Variants in ZC3H11A observed in about 807,000 individuals in gnomAD.
The protein encoded by ZC3H11A is zinc finger CCCH domain-containing protein 11A.
In ZC3H11A, 22 loss-of-function variants were observed where a neutral mutation model predicts 90.8. The observed-to-expected ratio is 0.24, with a 90% CI of 0.17 to 0.35. ZC3H11A has a LOEUF of 0.35. Ranked by LOEUF, ZC3H11A falls within the 10% of genes least tolerant of loss-of-function variation. The pLI, the probability that ZC3H11A is intolerant of heterozygous loss-of-function variation, is 1.00. For synonymous variants in ZC3H11A, 294 were observed against 339.8 expected, an observed-to-expected ratio of 0.87 and a Z score of 1.48; for missense variants, 701 against 964.9, an observed-to-expected ratio of 0.73 and a Z score of 3.62.
rs184860275 is a variant in ZC3H11A, at chr1:203,845,835, C to T, written c.1043-1349C>T. ...GTCAAGATGACACCACTGCACACTC[C>T]AGCCTGGGCAACAGAGCAAAACTCT... is the stretch of plus-strand genomic sequence containing the variant. On this transcript the variant is annotated intron_variant, in intron 12 of 17. Coordinates refer to ENST00000367210, the MANE Select transcript of ZC3H11A (RefSeq NM_001376342.1). Among the ~76,000 whole-genome samples, 275 of 152,224 alleles carry T rather than the reference C, an allele frequency of 1.8e-3. 2 individuals carry two copies. Among genetic ancestry groups the T allele is most frequent in the African/African-American group, 6.2e-3 (258 of 41,534 alleles).
At chr1:203,797,544 G>T (rs1668961312) in intron 1 of ZC3H11A, 1 of 1,524,790 alleles carries the variant, frequency 6.6e-7, no homozygotes. Context: ...TACTCTAAGT[G>T]TACCAGTTTC....
In ZC3H11A at chr1:203,818,627, A is replaced by G; in HGVS notation, c.112A>G (p.Thr38Ala). The change falls in exon 4 of 18, where the codon ACA becomes GCA. Residue 38 changes from threonine to alanine, a missense_variant. This residue lies in a region of ZC3H11A where 59 missense variants were observed against 132.8 expected (regional missense o/e 0.44). Transcript: ENST00000367210. ...TGCAATAGGAAATGAAACTGTTTGC[A>G]CATTATGGCAAGAAGGGCGCTGTTT... is the stretch of plus-strand genomic sequence containing the variant. ...EAAIGNETVC[T>A]LWQEGRCFRQ... 1.2e-6 allele frequency: 2 copies of G among 1,614,184 alleles called. No homozygotes were observed. Among genetic ancestry groups the G allele is most frequent in the Non-Finnish European group, 1.7e-6 (2 of 1,180,042 alleles).
At chr1:203,814,026 G>A (rs1223203093) in intron 2 of ZC3H11A, among the ~76,000 whole-genome samples, 1 of 151,364 alleles carries the variant, frequency 6.6e-6, no homozygotes, top group Non-Finnish European at 1.5e-5. Context: ...TTCAAGTTCA[G>A]ATTCTTTATT....
chr1:203,829,500 C>T lies in ZC3H11A; in HGVS notation c.348C>T (p.Ser116=). The change falls in exon 6 of 18, where the codon AGC becomes AGT. Residue 116 remains serine, a synonymous_variant. Coordinates refer to ENST00000367210, the MANE Select transcript of ZC3H11A (RefSeq NM_001376342.1). ...PESPEEEVKA[S]QLSVQQNKLS... ...CACCAGAAGAGGAAGTGAAGGCTAG[C>T]CAACTTTCAGTTCAGCAGAACAAAT... The T allele has an allele frequency of 6.2e-7, 1 of 1,613,946 alleles. No individual in the cohort carries two copies.
At chr1:203,805,968 A>G (rs1672188236) in intron 2 of ZC3H11A, 2 of 607,032 alleles carry the variant, frequency 3.3e-6, no homozygotes, top group Non-Finnish European at 6.4e-6. Context: ...TGGTCTTGGT[A>G]TCCTTCAATG....
At chr1:203,841,530 A>G (rs1404507397) in intron 12 of ZC3H11A, among the ~76,000 whole-genome samples, 4 of 152,346 alleles carry the variant, frequency 2.6e-5, no homozygotes, top group South Asian at 4.1e-4. Flanking sequence ...TACAGAACAA[A>G]ATGGAGTCTC....
chr1:203,798,820 T>C, intron 1 of ZC3H11A: 1 of 1,536,108 alleles, frequency 6.5e-7, no homozygotes, highest in Non-Finnish European at 8.7e-7. Context: ...ACCCCAGCCT[T>C]TCAGAGGTTC....
chr1:203,797,941 A>G (rs986214357), intron 1 of ZC3H11A: 1 of 1,535,976 alleles, frequency 6.5e-7, no homozygotes, highest in African/African-American at 1.4e-5. Flanking sequence ...CACTTCTTTC[A>G]TGTTGACCCC....
At position 203,852,354 on chromosome 1, in the gene ZC3H11A, T is replaced by C. The variant is rs770459069; in HGVS notation, c.2388T>C (p.Asp796=). Reference sequence around the variant, plus strand: ...AGATTGACCTGGATCCTGGGAAAGATGAAGATGACCTTCTGCTTGAGCTAT... The same window carrying C: ...AGATTGACCTGGATCCTGGGAAAGACGAAGATGACCTTCTGCTTGAGCTAT... ...EAEIDLDPGK[D]EDDLLLELSE... is the part of the protein sequence containing the mutation. Residue 796 remains aspartate, a synonymous_variant, in exon 18 of 18, where the codon GAT becomes GAC. Coordinates refer to ENST00000367210, the MANE Select transcript of ZC3H11A (RefSeq NM_001376342.1). 1 of 1,613,616 alleles carries C rather than the reference T, an allele frequency of 6.2e-7. No individual in the cohort carries two copies.
rs1291267917 is a variant in ZC3H11A, at chr1:203,850,542, C to G, written c.1967C>G (p.Ser656Cys). 30 of 1,613,814 alleles carry G rather than the reference C, an allele frequency of 1.9e-5. No individual in the cohort carries two copies. The highest frequency in any genetic ancestry group is 2.5e-5 in the Non-Finnish European group (30 of 1,179,892). Residue 656 changes from serine (S) to cysteine (C), a missense_variant, in exon 16 of 18, where the codon TCT (serine) becomes TGT (cysteine). Physicochemically the swap from Ser to Cys is moderately radical, Grantham distance 112. Transcript: ENST00000367210. The stretch of plus-strand genomic sequence containing the variant: ...AAACCCAAAGTGAACGTGAAGCCAT[C>G]TGTGGTTAAAGTTGTGTCATCCCCC... ...KAKPKVNVKP[S>C]VVKVVSSPKL... is the part of the protein sequence containing the mutation.
At chr1:203,821,872 T>C (rs1247123994) in intron 4 of ZC3H11A, among the ~76,000 whole-genome samples, 1 of 152,032 alleles carries the variant, frequency 6.6e-6, no homozygotes, top group Non-Finnish European at 1.5e-5. Context: ...ATTCTCCTGT[T>C]TCAGTCTCCC....
At chr1:203,809,816 T>C (rs1291196992) in intron 2 of ZC3H11A, among the ~76,000 whole-genome samples, 2 of 151,936 alleles carry the variant, frequency 1.3e-5, no homozygotes, top group Non-Finnish European at 1.5e-5. Flanking sequence ...TAGCCAGGCA[T>C]GGTGGCAGGC....
chr1:203,808,377 T>C (rs961316997), intron 2 of ZC3H11A, among the ~76,000 whole-genome samples: 3 of 152,230 alleles, frequency 2.0e-5, no homozygotes, highest in African/African-American at 7.2e-5. Context: ...GATTTTGTCT[T>C]TACCATTGGA....
Position 203,851,047 on chromosome 1 carries a change from C to A in ZC3H11A, c.2107-10C>A. On this transcript the variant is annotated splice_polypyrimidine_tract_variant and intron_variant, in intron 16 of 17. Coordinates refer to ENST00000367210, the MANE Select transcript of ZC3H11A (RefSeq NM_001376342.1). Reference sequence around the variant, plus strand: ...ACTCTCACTGAATTACCTGACTCTTCCTTTTGTAGGCTGTTGTCCCGCTTG... The same window carrying A: ...ACTCTCACTGAATTACCTGACTCTTACTTTTGTAGGCTGTTGTCCCGCTTG... The A allele has an allele frequency of 6.2e-7, 1 of 1,613,806 alleles. No homozygotes were observed. Among genetic ancestry groups the A allele is most frequent in the Non-Finnish European group, 8.5e-7 (1 of 1,179,944 alleles).
At chr1:203,846,926 C>T (rs148260406) in intron 12 of ZC3H11A, among the ~76,000 whole-genome samples, 3 of 151,684 alleles carry the variant, frequency 2.0e-5, no homozygotes, top group African/African-American at 7.3e-5. Context: ...ATCACTTGAA[C>T]CCTGGGAGGC....
In ZC3H11A at chr1:203,852,489, C is replaced by G. The variant is rs1216266782; in HGVS notation, c.*90C>G. Reference sequence around the variant, plus strand: ...TAACATTTACCTGAGATGATCATTTCTTTAGTCTAGAATTTGCCCCAAATC... The same window carrying G: ...TAACATTTACCTGAGATGATCATTTGTTTAGTCTAGAATTTGCCCCAAATC... On this transcript the variant is annotated 3_prime_UTR_variant, in exon 18 of 18. Coordinates refer to ENST00000367210, the MANE Select transcript of ZC3H11A (RefSeq NM_001376342.1). The G allele has an allele frequency of 2.1e-6, 3 of 1,433,878 alleles. No individual in the cohort carries two copies. The highest frequency in any genetic ancestry group is 1.4e-5 in the African/African-American group (1 of 69,102). The allele number at this position is 1,433,878 out of a possible 1,614,324, so 88.8% of individuals were successfully genotyped here. A position where few individuals can be genotyped will look rare whatever the true frequency, so the allele number is the denominator to read the frequency against.
chr1:203,843,976 C>A (rs1012952196), intron 12 of ZC3H11A, among the ~76,000 whole-genome samples: 1 of 150,430 alleles, frequency 6.6e-6, no homozygotes, highest in African/African-American at 2.4e-5. Context: ...TCCTGCCTCA[C>A]CCTTCCGAGT....
At position 203,820,577 on chromosome 1, in the gene ZC3H11A, A is replaced by G. The variant is rs182762125; in HGVS notation, c.174+1888A>G. The stretch of plus-strand genomic sequence containing the variant: ...ACTGCGACCTCTGCCTCCTGAGTTC[A>G]TGTGATTCTTGTGCCTCAACCTCTC... On this transcript the variant is annotated intron_variant, in intron 4 of 17. Coordinates refer to ENST00000367210, the MANE Select transcript of ZC3H11A (RefSeq NM_001376342.1). Among the ~76,000 whole-genome samples the G allele has an allele frequency of 1.4e-4, 21 of 151,652 alleles. No homozygotes were observed. In the East Asian group the frequency reaches 3.9e-3, roughly 28 times the overall value.
chr1:203,843,032 C>A (rs1032702878), intron 12 of ZC3H11A, among the ~76,000 whole-genome samples: 3 of 151,580 alleles, frequency 2.0e-5, no homozygotes, highest in Admixed American at 6.6e-5. Context: ...ACTTTTTATC[C>A]CCCATCCTTA....
Sources: allele counts gnomAD v4.1 joint callset (sites outside exome capture counted in the v4.1 genomes callset), GRCh38; gene constraint gnomAD v4.1.1; regional missense constraint gnomAD v4.1.1; transcripts MANE v1.5; gene names NCBI Gene and HGNC (gene_info 2026-07-23, HGNC 2026-07-21).